DCDC2: variants seen among roughly 807,000 people sequenced by gnomAD.
DCDC2 encodes doublecortin domain-containing protein 2.
Under a neutral mutation model 50.2 loss-of-function variants are expected in DCDC2, and 40 were observed. The ratio of observed to expected loss-of-function variants is 0.80; its 90% CI spans 0.62 to 1.04. The LOEUF (loss-of-function observed/expected upper bound fraction) is 1.04. Ranked by LOEUF, DCDC2 falls within the 50% of genes least tolerant of loss-of-function variation. DCDC2 has a pLI of 0.00. For missense variants in DCDC2, 570 were observed against 581.9 expected (o/e 0.98, Z 0.21); for synonymous variants, 234 against 210.6 (o/e 1.11, Z -0.96).
chr6:24,275,676 G>T (rs1284559829), intron 7 of DCDC2, among the ~76,000 whole-genome samples: 2 of 151,866 alleles, frequency 1.3e-5, no homozygotes, highest in Non-Finnish European at 2.9e-5. Flanking sequence ...ACTTAAAATG[G>T]GCTACTGTCT....
At position 24,291,002 on chromosome 6, in the gene DCDC2, T is replaced by C. The variant is rs1471269004; in HGVS notation, c.634A>G (p.Arg212Gly). 2.5e-6 allele frequency: 4 copies of C among 1,614,052 alleles called. No individual in the cohort carries two copies. The East Asian group carries it at 8.9e-5, about 36-fold the overall frequency. Residue 212 changes from arginine (R) to glycine (G), a missense_variant, in exon 5 of 10, where the codon AGA (arginine) becomes GGA (glycine). Arg to Gly is a moderately radical substitution (Grantham distance 125). Coordinates refer to ENST00000378454, the MANE Select transcript of DCDC2 (RefSeq NM_016356.5). The part of the protein sequence containing the change: ...ENGQFYVAVG[R>G]DKFKKLPYSE... ...TAAGGCAGTTTCTTAAACTTATCTC[T>C]GCCAACAGCCACATAAAACTGCCCA...
chr6:24,281,142 A>T (rs1186697331), intron 6 of DCDC2, among the ~76,000 whole-genome samples: 1 of 152,152 alleles, frequency 6.6e-6, no homozygotes, highest in Non-Finnish European at 1.5e-5. Context: ...TGATAAAGAC[A>T]CTCGAAAAAG....
chr6:24,213,793 G>C (rs1329669981), intron 7 of DCDC2, among the ~76,000 whole-genome samples: 1 of 151,952 alleles, frequency 6.6e-6, no homozygotes, highest in Non-Finnish European at 1.5e-5. Context: ...CTTATGAAAG[G>C]GTATTAGCCA....
At chr6:24,303,055 C>A (rs1377412185) in intron 2 of DCDC2, among the ~76,000 whole-genome samples, 3 of 151,814 alleles carry the variant, frequency 2.0e-5, no homozygotes, top group African/African-American at 7.3e-5. Flanking sequence ...AGGAAGCTAA[C>A]CCCACATCTT....
At chr6:24,309,169 C>T (rs1005001433) in intron 2 of DCDC2, among the ~76,000 whole-genome samples, 2 of 151,842 alleles carry the variant, frequency 1.3e-5, no homozygotes, top group African/African-American at 2.4e-5. Context: ...ACTAAAAATA[C>T]AAAAAATTAG....
intron 8 of DCDC2, among the ~76,000 whole-genome samples, chr6:24,202,182 A>G (rs553944374): frequency 6.6e-6 from 1 of 152,326 alleles, no homozygotes; most frequent in African/African-American, 2.4e-5. Flanking sequence ...GACACAACAG[A>G]AGAACATTTC....
At chr6:24,195,384 G>C (rs1414984241) in intron 8 of DCDC2, among the ~76,000 whole-genome samples, 2 of 152,080 alleles carry the variant, frequency 1.3e-5, no homozygotes, top group Non-Finnish European at 2.9e-5. Flanking sequence ...TGTTATTATA[G>C]TAAAATACAT....
At chr6:24,307,610 T>C (rs1332247997) in intron 2 of DCDC2, among the ~76,000 whole-genome samples, 2 of 152,136 alleles carry the variant, frequency 1.3e-5, no homozygotes, top group African/African-American at 4.8e-5. Flanking sequence ...CTTTACAAAA[T>C]AATGAATCAG....
intron 8 of DCDC2, among the ~76,000 whole-genome samples, chr6:24,201,843 C>T (rs1054019168): frequency 8.5e-5 from 13 of 152,158 alleles, no homozygotes; most frequent in Middle Eastern, 3.2e-3. Context: ...AAATTACCAT[C>T]AGAGAATACT....
intron 2 of DCDC2, among the ~76,000 whole-genome samples, chr6:24,308,598 A>G (rs807691): frequency 0.77 from 117,021 of 152,074 alleles, 47,662 homozygotes; most frequent in East Asian, 0.99. Context: ...AGAGAAATAA[A>G]GTCAAACCCA....
At chr6:24,274,771 GACT>G (rs2113816775) in intron 7 of DCDC2, among the ~76,000 whole-genome samples, 1 of 151,930 alleles carries the variant, frequency 6.6e-6, no homozygotes, top group African/African-American at 2.4e-5. Flanking sequence ...AAAAATATGT[GACT>G]ACAATTTTAA....
At chr6:24,281,878 T>C (rs1159835753) in intron 6 of DCDC2, among the ~76,000 whole-genome samples, 1 of 152,202 alleles carries the variant, frequency 6.6e-6, no homozygotes, top group East Asian at 1.9e-4. Flanking sequence ...TATAGATAAG[T>C]ATTATTATCA....
At chr6:24,343,440 C>G (rs1017934713) in intron 2 of DCDC2, among the ~76,000 whole-genome samples, 2 of 152,196 alleles carry the variant, frequency 1.3e-5, no homozygotes, top group African/African-American at 4.8e-5. Context: ...CTAGACATTA[C>G]TATTGATTTA....
intron 2 of DCDC2, among the ~76,000 whole-genome samples, chr6:24,334,216 G>C (rs527379674): frequency 1.3e-5 from 2 of 152,278 alleles, no homozygotes; most frequent in Non-Finnish European, 2.9e-5. Context: ...TACATAGAGA[G>C]TCAAATGAAA....
intron 4 of DCDC2, among the ~76,000 whole-genome samples, chr6:24,297,096 A>C (rs1224658502): frequency 6.6e-6 from 1 of 152,188 alleles, no homozygotes; most frequent in African/African-American, 2.4e-5. Flanking sequence ...GATAAAGAAA[A>C]AGTGGTACAT....
intron 4 of DCDC2, among the ~76,000 whole-genome samples, chr6:24,301,370 CAAA>C (rs59055669): frequency 6.2e-5 from 4 of 64,100 alleles, no homozygotes; most frequent in East Asian, 4.9e-4. Flanking sequence ...GGCTCCATCT[CAAA>C]AAAAAAAAAA....
intron 7 of DCDC2, among the ~76,000 whole-genome samples, chr6:24,208,789 G>T (rs1003966453): frequency 6.6e-6 from 1 of 152,182 alleles, no homozygotes; most frequent in African/African-American, 2.4e-5. Flanking sequence ...TTTAGGCATA[G>T]ACCACAATTT....
At chr6:24,183,227 C>T (rs1761122583) in intron 8 of DCDC2, among the ~76,000 whole-genome samples, 1 of 152,104 alleles carries the variant, frequency 6.6e-6, no homozygotes, top group African/African-American at 2.4e-5. Context: ...GTGGTGGTTA[C>T]ACAACATTAT....
chr6:24,359,412 T>C (rs1171383003), upstream of DCDC2, among the ~76,000 whole-genome samples: 1 of 48,422 alleles, frequency 2.1e-5, no homozygotes, highest in Non-Finnish European at 3.3e-5. Flanking sequence ...ATTTTATATA[T>C]TATATATTAT....
Sources: gnomAD v4.1 joint callset for allele counts (sites outside exome capture counted in the v4.1 genomes callset) on GRCh38, gnomAD v4.1.1 for gene constraint, MANE v1.5 for transcripts, NCBI Gene and HGNC (gene_info 2026-07-23, HGNC 2026-07-21) for gene names.